Variants in P4HA2 observed in about 807,000 individuals in gnomAD.
P4HA2 encodes prolyl 4-hydroxylase subunit alpha 2.
P4HA2 carries 46 observed loss-of-function variants against 76.9 expected under a neutral mutation model. The observed-to-expected ratio is 0.60, with a 90% CI of 0.47 to 0.76. The LOEUF (loss-of-function observed/expected upper bound fraction) is 0.76. Ranked by LOEUF, P4HA2 falls within the 30% of genes least tolerant of loss-of-function variation. P4HA2 has a pLI of 0.00. For missense variants in P4HA2, 583 were observed against 669.4 expected, an observed-to-expected ratio of 0.87 and a Z score of 1.42; for synonymous variants, 243 against 254.0, an observed-to-expected ratio of 0.96 and a Z score of 0.41.
chr5:132,200,284 A>G (rs545440458), intron 10 of P4HA2: 1 of 152,344 alleles, frequency 6.6e-6, no homozygotes, highest in South Asian at 2.1e-4. Flanking sequence ...AGAGCACAAA[A>G]TGTTGGCAGT....
chr5:132,210,258 C>G, intron 6 of P4HA2, 26 bp downstream of exon 6: 1 of 1,613,462 alleles, frequency 6.2e-7, no homozygotes, highest in Non-Finnish European at 8.5e-7. Flanking sequence ...CCATTCCCAT[C>G]TTACCTTCCC....
intron 1 of P4HA2, among the ~76,000 whole-genome samples, chr5:132,220,674 C>T (rs1754538374): frequency 6.6e-6 from 1 of 152,244 alleles, no homozygotes; most frequent in Admixed American, 6.5e-5. Context: ...TGAATACCAG[C>T]TGTGATTTCT....
At position 132,190,806 on chromosome 5, in the gene P4HA2, A is replaced by G. The variant is rs564429739; in HGVS notation, c.*2204T>C. On this transcript the variant is annotated 3_prime_UTR_variant, in exon 15 of 15. Coordinates refer to ENST00000360568, the MANE Select transcript of P4HA2 (RefSeq NM_001017974.2). ...AAGCCACAGAAGATATTTGCAAAATATATAACAAAGAACTTGTGTACATAT... is the reference window on the plus strand; with the variant it reads ...AAGCCACAGAAGATATTTGCAAAATGTATAACAAAGAACTTGTGTACATAT... Among the ~76,000 whole-genome samples the G allele has an allele frequency of 6.6e-6, 1 of 152,234 alleles. No individual in the cohort carries two copies. Among genetic ancestry groups the G allele is most frequent in the African/African-American group, 2.4e-5 (1 of 41,458 alleles).
chr5:132,196,052 T>C (rs1223361686), intron 12 of P4HA2, among the ~76,000 whole-genome samples: 1 of 152,204 alleles, frequency 6.6e-6, no homozygotes, highest in Non-Finnish European at 1.5e-5. Context: ...TTAAACTACA[T>C]TGAACACAAG....
Position 132,203,751 on chromosome 5 carries a change from T to C in P4HA2, c.1248A>G (p.Leu416=). The C allele has an allele frequency of 6.3e-7, 1 of 1,591,288 alleles. No individual in the cohort carries two copies. Among genetic ancestry groups the C allele is most frequent in the South Asian group, 1.1e-5 (1 of 90,666 alleles). The change falls in exon 10 of 15, where the codon TTA becomes TTG. Residue 416 remains leucine (L), a synonymous_variant. Coordinates refer to ENST00000360568, the MANE Select transcript of P4HA2 (RefSeq NM_001017974.2). ...TGLTVKTAEL[L]QVANYGVGGQ... ...CAGTCCCAGGTACTATCTGTACCTGTAACAATTCTGCAGTCTTTACTGTTA... is the reference window on the plus strand; with the variant it reads ...CAGTCCCAGGTACTATCTGTACCTGCAACAATTCTGCAGTCTTTACTGTTA...
Position 132,217,324 on chromosome 5 carries a change from C to A in P4HA2, c.204G>T (p.Leu68Phe), listed in dbSNP as rs1302502954. ...CAGCATCAGCAGCTGACTTGCTAGT[C>A]AAGGCTTCCATTTTGTTGGCCCAGC... The part of the protein sequence containing the change: ...IKSWANKMEA[L>F]TSKSAADAEG... The change falls in exon 4 of 15, where the codon TTG becomes TTT. Residue 68 changes from leucine (L) to phenylalanine (F), a missense_variant. Coordinates refer to ENST00000360568, the MANE Select transcript of P4HA2 (RefSeq NM_001017974.2). 1 of 1,614,036 alleles carries A rather than the reference C, an allele frequency of 6.2e-7. No individual in the cohort carries two copies. Among genetic ancestry groups the A allele is most frequent in the Non-Finnish European group, 8.5e-7 (1 of 1,180,012 alleles).
At position 132,217,784 on chromosome 5, in the gene P4HA2, A is replaced by G; in HGVS notation, c.147T>C (p.Leu49=). 1 of 1,612,616 alleles carries G rather than the reference A, an allele frequency of 6.2e-7. No individual in the cohort carries two copies. Residue 49 remains leucine, a synonymous_variant, in exon 3 of 15, where the codon CTT becomes CTC. Coordinates refer to ENST00000360568, the MANE Select transcript of P4HA2 (RefSeq NM_001017974.2). ...ELVQSLKEYI[L]VEEAKLSKIK... is the part of the protein sequence containing the mutation. ...TCTTGGAAAGCTTGGCTTCCTCCAC[A>G]AGGATGTACTCTTTCAGAGACTGCA...
At chr5:132,197,011 A>G (rs964076562) in intron 12 of P4HA2, among the ~76,000 whole-genome samples, 1 of 152,194 alleles carries the variant, frequency 6.6e-6, no homozygotes, top group African/African-American at 2.4e-5. Flanking sequence ...CCACACAATA[A>G]AAGCATAAAG....
chr5:132,219,400 T>C (rs565309833), intron 1 of P4HA2, among the ~76,000 whole-genome samples: 2 of 152,206 alleles, frequency 1.3e-5, no homozygotes, highest in Non-Finnish European at 2.9e-5. Context: ...AAAATGAATA[T>C]GGCACACATG....
intron 5 of P4HA2, 56 bp from the exon 6 acceptor site, chr5:132,210,579 A>C: frequency 1.3e-6 from 2 of 1,599,384 alleles, no homozygotes; most frequent in Non-Finnish European, 1.7e-6. Context: ...TTAGGGAAAG[A>C]GATTCCCACT....
intron 1 of P4HA2, among the ~76,000 whole-genome samples, chr5:132,224,476 A>C (rs1426621381): frequency 6.6e-6 from 1 of 152,254 alleles, no homozygotes; most frequent in Non-Finnish European, 1.5e-5. Context: ...CCAGCTGCCC[A>C]GCCCAAGTCA....
In P4HA2 at chr5:132,207,830, G is replaced by A. The variant is rs200086462; in HGVS notation, c.958C>T (p.Pro320Ser). ...FCRYHHGNRAPQLLIAPFKEE... is the reference protein window; with the variant it reads ...FCRYHHGNRASQLLIAPFKEE... ...TTGAAGGGGGCAATGAGCAGCTGTG[G>A]GGCCCTGTTGCCATGGTGGTACCTA... Residue 320 changes from proline (P) to serine (S), a missense_variant, in exon 8 of 15, where the codon CCA becomes TCA. Pro to Ser is a moderately conservative substitution (Grantham distance 74). Coordinates refer to ENST00000360568, the MANE Select transcript of P4HA2 (RefSeq NM_001017974.2). The A allele has an allele frequency of 9.3e-6, 15 of 1,608,236 alleles. No homozygotes were observed. Among genetic ancestry groups the A allele is most frequent in the Admixed American group, 1.7e-5 (1 of 59,354 alleles).
intron 12 of P4HA2, among the ~76,000 whole-genome samples, chr5:132,196,860 C>CAAAAAAAAAAA (rs34410092): frequency 1.0e-5 from 1 of 99,998 alleles, no homozygotes; most frequent in African/African-American, 4.0e-5. Flanking sequence ...GAGTCTGTCT[C>CAAAAAAAAAAA]AAAAAAAAAA....
chr5:132,206,753 C>A (rs771316662), intron 8 of P4HA2, among the ~76,000 whole-genome samples: 2 of 152,098 alleles, frequency 1.3e-5, no homozygotes, highest in African/African-American at 2.4e-5. Context: ...GCCTATTCTA[C>A]GTAATTATGC....
Position 132,195,441 on chromosome 5 carries a change from C to T in P4HA2, c.1405G>A (p.Asp469Asn). 1 of 1,613,588 alleles carries T rather than the reference C, an allele frequency of 6.2e-7. No individual in the cohort carries two copies. Among genetic ancestry groups the T allele is most frequent in the Non-Finnish European group, 8.5e-7 (1 of 1,179,514 alleles). ...VEAGGATVFP[D>N]LGAAIWPKKG... ...TTAGGCCAAATTGCAGCCCCCAGATCAGGGAAGACGGTGGCACCACCAGCT... is the reference window on the plus strand; with the variant it reads ...TTAGGCCAAATTGCAGCCCCCAGATTAGGGAAGACGGTGGCACCACCAGCT... Residue 469 changes from aspartate to asparagine, a missense_variant, in exon 13 of 15, where the codon GAT (aspartate) becomes AAT (asparagine). Coordinates refer to ENST00000360568, the MANE Select transcript of P4HA2 (RefSeq NM_001017974.2).
chr5:132,208,746 C>A (rs555965786), intron 7 of P4HA2, among the ~76,000 whole-genome samples: 60 of 152,080 alleles, frequency 3.9e-4, no homozygotes, highest in African/African-American at 1.3e-3. Flanking sequence ...CTCTCAAAGG[C>A]TCGATACCAA....
At chr5:132,215,486 G>C (rs1235205433) in intron 4 of P4HA2, among the ~76,000 whole-genome samples, 1 of 152,324 alleles carries the variant, frequency 6.6e-6, no homozygotes, top group South Asian at 2.1e-4. Context: ...CGGGAGTCTG[G>C]GAAAGGCAGC....
In P4HA2 at chr5:132,213,906, G is replaced by C. The variant is rs1299594208; in HGVS notation, c.469+10C>G. ...ATGCGGGACAGGCAACGCCTGGAGT[G>C]GTGAGTTACCTGGAAGTTCCCCTCT... On this transcript the variant is annotated intron_variant, in intron 5 of 14. Transcript: ENST00000360568. 6.2e-7 allele frequency: 1 copy of C among 1,613,558 alleles called. No homozygotes were observed.
chr5:132,217,133 A>C lies in P4HA2; in HGVS notation c.331+64T>G. 4.6e-6 allele frequency: 7 copies of C among 1,522,414 alleles called. No homozygotes were observed. In the East Asian group the frequency reaches 1.4e-4, roughly 30 times the overall value. 94.3% of individuals were successfully genotyped at this position (1,522,414 alleles called of 1,614,324 possible). A position where few individuals can be genotyped will look rare whatever the true frequency, so the allele number is the denominator to read the frequency against. On this transcript the variant is annotated intron_variant, in intron 4 of 14. Coordinates refer to ENST00000360568, the MANE Select transcript of P4HA2 (RefSeq NM_001017974.2). ...CCAGACCCAAGACAGGCTCAGACAC[A>C]ACAACCCAGGCATGAGCACACAAAC...
Sources: allele counts gnomAD v4.1 joint callset (sites outside exome capture counted in the v4.1 genomes callset), GRCh38; gene constraint gnomAD v4.1.1; transcripts MANE v1.5; gene names NCBI Gene and HGNC (gene_info 2026-07-23, HGNC 2026-07-21).